ENTREP2: variants seen among roughly 807,000 people sequenced by gnomAD.
The protein encoded by ENTREP2 is endosomal transmembrane epsin interactor 2.
chr15:29,140,482 G>T, the ENTREP2 span, among the ~76,000 whole-genome samples: 1 of 152,290 alleles, frequency 6.6e-6, no homozygotes, highest in East Asian at 1.9e-4. Context: ...CAGTTGAAAA[G>T]ACTTTAATGA....
the ENTREP2 span, among the ~76,000 whole-genome samples, chr15:29,489,230 C>T: frequency 6.6e-6 from 1 of 151,156 alleles, no homozygotes; most frequent in African/African-American, 2.5e-5. Context: ...CCTGAGATCT[C>T]TTCCTTCCTT....
At chr15:29,148,704 A>AGTATACTGATAC in the ENTREP2 span, among the ~76,000 whole-genome samples, 1 of 151,978 alleles carries the variant, frequency 6.6e-6, no homozygotes, top group African/African-American at 2.4e-5. Context: ...CTGCCTGAGT[A>AGTATACTGATAC]AAGCCTTTTC....
At chr15:29,181,143 A>G in the ENTREP2 span, among the ~76,000 whole-genome samples, 2 of 152,210 alleles carry the variant, frequency 1.3e-5, no homozygotes, top group African/African-American at 4.8e-5. Flanking sequence ...TAGCATATAC[A>G]TGAATTTGAA....
the ENTREP2 span, among the ~76,000 whole-genome samples, chr15:29,606,238 CTTT>C: frequency 5.7e-5 from 8 of 140,380 alleles, no homozygotes; most frequent in African/African-American, 7.9e-5. Context: ...TCTTTTCCTT[CTTT>C]TTTTTTTTTT....
chr15:29,575,474 C>T, the ENTREP2 span, among the ~76,000 whole-genome samples: 2 of 152,058 alleles, frequency 1.3e-5, no homozygotes, highest in Admixed American at 6.6e-5. Flanking sequence ...CCACATTCAC[C>T]ACCACTGTTC....
the ENTREP2 span, among the ~76,000 whole-genome samples, chr15:29,465,715 C>A: frequency 2.0e-5 from 3 of 152,172 alleles, no homozygotes; most frequent in Admixed American, 2.0e-4. Context: ...TAACATAAAT[C>A]ATTAGTTCTT....
the ENTREP2 span, among the ~76,000 whole-genome samples, chr15:29,148,147 G>A: frequency 5.9e-4 from 90 of 152,316 alleles, 1 homozygote; most frequent in South Asian, 5.0e-3. Flanking sequence ...GAGGTGGGAA[G>A]GAAATAGGGT....
At chr15:29,574,552 G>A in the ENTREP2 span, among the ~76,000 whole-genome samples, 23 of 152,240 alleles carry the variant, frequency 1.5e-4, no homozygotes, top group African/African-American at 5.3e-4. Flanking sequence ...TTGGCCTCCC[G>A]AAGTACTGGG....
At chr15:29,312,694 G>A in the ENTREP2 span, among the ~76,000 whole-genome samples, 1 of 152,164 alleles carries the variant, frequency 6.6e-6, no homozygotes, top group Non-Finnish European at 1.5e-5. Context: ...AGAAATGCAT[G>A]TGTTCTGATT....
the ENTREP2 span, among the ~76,000 whole-genome samples, chr15:29,514,289 A>C: frequency 6.6e-6 from 1 of 152,154 alleles, no homozygotes; most frequent in Non-Finnish European, 1.5e-5. Context: ...GGTGCCTCGT[A>C]TGAGTGGAAT....
chr15:29,272,849 G>C, the ENTREP2 span, among the ~76,000 whole-genome samples: 1 of 152,176 alleles, frequency 6.6e-6, no homozygotes, highest in African/African-American at 2.4e-5. Context: ...AGGTGAAGTA[G>C]AGGACATGAA....
chr15:29,484,691 C>T, the ENTREP2 span, among the ~76,000 whole-genome samples: 1 of 152,158 alleles, frequency 6.6e-6, no homozygotes, highest in South Asian at 2.1e-4. Flanking sequence ...AGCTAAGATG[C>T]TATTCTATTC....
the ENTREP2 span, among the ~76,000 whole-genome samples, chr15:29,385,088 CCA>C: frequency 0.011 from 1,638 of 152,288 alleles, 35 homozygotes; most frequent in African/African-American, 0.038. Context: ...CAAACTACCA[CCA>C]GAGTCCTGCA....
At chr15:29,460,571 C>A in the ENTREP2 span, among the ~76,000 whole-genome samples, 1 of 152,236 alleles carries the variant, frequency 6.6e-6, no homozygotes, top group South Asian at 2.1e-4. Flanking sequence ...GCGGAGGCTG[C>A]AGTGACCCGA....
the ENTREP2 span, among the ~76,000 whole-genome samples, chr15:29,299,409 TTACC>T: frequency 3.9e-5 from 6 of 152,146 alleles, no homozygotes; most frequent in Non-Finnish European, 7.3e-5. Context: ...GCGTCACCTT[TTACC>T]TACCACTCAG....
At chr15:29,335,747 C>T in the ENTREP2 span, among the ~76,000 whole-genome samples, 1 of 152,236 alleles carries the variant, frequency 6.6e-6, no homozygotes, top group Non-Finnish European at 1.5e-5. Flanking sequence ...AACCTGAGAG[C>T]TGGCTCTCCA....
the ENTREP2 span, among the ~76,000 whole-genome samples, chr15:29,662,462 C>CATAGTGAT: frequency 6.6e-6 from 1 of 152,128 alleles, no homozygotes; most frequent in Admixed American, 6.6e-5. Flanking sequence ...TATATCCCAG[C>CATAGTGAT]ATAGTGATAT....
the ENTREP2 span, among the ~76,000 whole-genome samples, chr15:29,490,444 C>G: frequency 6.6e-6 from 1 of 152,190 alleles, no homozygotes; most frequent in Non-Finnish European, 1.5e-5. Context: ...TGCTTTTATT[C>G]CCTTGTCTGA....
chr15:29,669,973 C>T, the ENTREP2 span, among the ~76,000 whole-genome samples: 1 of 152,166 alleles, frequency 6.6e-6, no homozygotes, highest in Non-Finnish European at 1.5e-5. Context: ...CCAGCCTGTC[C>T]CTGCAATCCC....
Sources: allele counts gnomAD v4.1 joint callset (sites outside exome capture counted in the v4.1 genomes callset), GRCh38; gene constraint gnomAD v4.1.1; transcripts MANE v1.5; gene names NCBI Gene and HGNC (gene_info 2026-07-23, HGNC 2026-07-21).